Variants in LZTFL1 observed in about 807,000 individuals in gnomAD.
The protein encoded by LZTFL1 is leucine zipper transcription factor-like protein 1.
Under a neutral mutation model 45.9 loss-of-function variants are expected in LZTFL1, and 25 were observed. The observed-to-expected ratio is 0.54, with a 90% CI of 0.40 to 0.76. The LOEUF is 0.76. Among genes scored for constraint, LZTFL1 ranks in the 30% least tolerant of loss-of-function variants. The pLI is 0.00. For missense variants in LZTFL1, 277 were observed against 331.1 expected (o/e 0.84, Z 1.27); for synonymous variants, 93 against 117.4 (o/e 0.79, Z 1.35).
At chr3:45,833,760 G>A (rs1025618122) in intron 4 of LZTFL1, among the ~76,000 whole-genome samples, 1 of 152,150 alleles carries the variant, frequency 6.6e-6, no homozygotes, top group Non-Finnish European at 1.5e-5. Context: ...CGGTGTGCCC[G>A]TGAAGTGGAA....
At chr3:45,861,942 C>A (rs188094640) in intron 2 of LZTFL1, among the ~76,000 whole-genome samples, 2 of 152,244 alleles carry the variant, frequency 1.3e-5, no homozygotes, top group Admixed American at 1.3e-4. Context: ...CCTAAGGTAC[C>A]GAGTTTTTGT....
chr3:45,909,965 G>T lies in LZTFL1; in HGVS notation c.-215+3155C>A, dbSNP rs559115774. Among the ~76,000 whole-genome samples the T allele has an allele frequency of 7.9e-5, 12 of 152,352 alleles. No homozygotes were observed. In the South Asian group the frequency reaches 2.3e-3, roughly 29 times the overall value. ...CTGAGACAGGAAAGTGATCAGCAGA[G>T]TTAAGTGGCTAAAAGAAGAGCCATT... On this transcript the variant is annotated intron_variant, in intron 2 of 4. Coordinates refer to the LZTFL1 transcript ENST00000472635.
intron 2 of LZTFL1, among the ~76,000 whole-genome samples, chr3:45,887,600 C>G (rs780221962): frequency 6.6e-6 from 1 of 152,208 alleles, no homozygotes; most frequent in Non-Finnish European, 1.5e-5. Flanking sequence ...TGTGCAGCAG[C>G]CAGTCTGTGG....
intron 2 of LZTFL1, among the ~76,000 whole-genome samples, chr3:45,907,024 T>A (rs1047554172): frequency 3.9e-5 from 6 of 152,200 alleles, no homozygotes; most frequent in Admixed American, 2.0e-4. Context: ...GCCCCAGATC[T>A]CCTCTGCAGC....
chr3:45,827,375 G>A lies in LZTFL1; in HGVS notation c.862C>T (p.Leu288=). The change falls in exon 9 of 10, where the codon CTG becomes TTG. Residue 288 remains leucine, a synonymous_variant. Transcript: ENST00000296135. ...LTKKNDQIKD[L]RKRLAQYEPE... ...GCTTACTGTGCCAGTCTTTTCCTCAGATCTTTGATTTGGTCATTCTTCTTG... is the reference window on the plus strand; with the variant it reads ...GCTTACTGTGCCAGTCTTTTCCTCAAATCTTTGATTTGGTCATTCTTCTTG... 1 of 1,612,774 alleles carries A rather than the reference G, an allele frequency of 6.2e-7. No homozygotes were observed. Among genetic ancestry groups the A allele is most frequent in the Non-Finnish European group, 8.5e-7 (1 of 1,178,854 alleles).
intron 2 of LZTFL1, among the ~76,000 whole-genome samples, chr3:45,908,817 A>C (rs1234424583): frequency 6.6e-6 from 1 of 152,114 alleles, no homozygotes; most frequent in African/African-American, 2.4e-5. Flanking sequence ...AAGCAGAGGG[A>C]ATAGTATTAA....
chr3:45,913,358 A>T (rs911597854), intron 1 of LZTFL1, among the ~76,000 whole-genome samples: 2 of 151,860 alleles, frequency 1.3e-5, no homozygotes, highest in Admixed American at 6.6e-5. Flanking sequence ...CAAAGCCTAT[A>T]GCCCCTTTCT....
intron 2 of LZTFL1, among the ~76,000 whole-genome samples, chr3:45,866,110 G>A (rs1410653274): frequency 1.3e-5 from 2 of 152,126 alleles, no homozygotes; most frequent in Admixed American, 1.3e-4. Context: ...AAAGCAGATC[G>A]GTGGTTGAAT....
Position 45,901,792 on chromosome 3 carries a change from T to C in LZTFL1, c.-215+11328A>G. ...GATCTCGTGAAAACCCTGAAGAACTTGGGTTGCATCAGCCAGGCCCAGTGG... is the reference window on the plus strand; with the variant it reads ...GATCTCGTGAAAACCCTGAAGAACTCGGGTTGCATCAGCCAGGCCCAGTGG... On this transcript the variant is annotated intron_variant, in intron 2 of 4. Transcript: ENST00000472635. This position sits in a 1 kb window ranked among gnomAD's most constrained non-coding sequence, Gnocchi z 4.3. 2 of 1,614,076 alleles carry C rather than the reference T, an allele frequency of 1.2e-6. No homozygotes were observed. The highest frequency in any genetic ancestry group is 1.7e-6 in the Non-Finnish European group (2 of 1,179,998).
chr3:45,892,704 C>T (rs1278411591), intron 2 of LZTFL1, among the ~76,000 whole-genome samples: 2 of 152,048 alleles, frequency 1.3e-5, no homozygotes, highest in Admixed American at 6.6e-5. Context: ...CACATATACC[C>T]CTGAAGCTAA....
intron 2 of LZTFL1, among the ~76,000 whole-genome samples, chr3:45,860,207 G>A (rs1489128277): frequency 6.6e-6 from 1 of 152,090 alleles, no homozygotes; most frequent in Non-Finnish European, 1.5e-5. Context: ...GCCAGACACT[G>A]TCTCAAATAA....
chr3:45,868,740 C>G (rs1303906250), intron 2 of LZTFL1, among the ~76,000 whole-genome samples: 1 of 152,102 alleles, frequency 6.6e-6, no homozygotes, highest in Non-Finnish European at 1.5e-5. Flanking sequence ...CCGATATTTT[C>G]CCAACATATT....
At chr3:45,852,548 G>A (rs1701325049) in intron 4 of LZTFL1, among the ~76,000 whole-genome samples, 1 of 151,960 alleles carries the variant, frequency 6.6e-6, no homozygotes, top group African/African-American at 2.4e-5. Context: ...AGTATATAGT[G>A]AAAAGAAAAA....
At chr3:45,895,715 A>T (rs1467071832) in intron 2 of LZTFL1, among the ~76,000 whole-genome samples, 1 of 137,424 alleles carries the variant, frequency 7.3e-6, no homozygotes, top group African/African-American at 2.6e-5. Context: ...CTCTGTCTTA[A>T]AAAAAAAAAA....
upstream of LZTFL1, among the ~76,000 whole-genome samples, chr3:45,845,364 G>A (rs1204392031): frequency 6.6e-6 from 1 of 152,190 alleles, no homozygotes; most frequent in Non-Finnish European, 1.5e-5. Flanking sequence ...CAGAGAGGGT[G>A]CGAGATAGTT....
chr3:45,888,008 A>G (rs545956245), intron 2 of LZTFL1, among the ~76,000 whole-genome samples: 15 of 152,268 alleles, frequency 9.9e-5, no homozygotes, highest in Non-Finnish European at 1.9e-4. Flanking sequence ...ATCAGAGGCT[A>G]TAAGTGTGGG....
upstream of LZTFL1, among the ~76,000 whole-genome samples, chr3:45,844,664 A>T (rs1359827166): frequency 1.3e-5 from 2 of 152,186 alleles, no homozygotes; most frequent in Admixed American, 1.3e-4. Context: ...ATCTTGCCCC[A>T]CCTTGGCTGC....
At chr3:45,832,977 C>T in intron 5 of LZTFL1, 73 bp downstream of exon 5, 1 of 1,146,166 alleles carries the variant, frequency 8.7e-7, no homozygotes, top group Non-Finnish European at 1.3e-6. Context: ...AAACCTTCCA[C>T]TTCTGTTTCT....
chr3:45,902,037 A>G, intron 2 of LZTFL1: 1 of 761,518 alleles, frequency 1.3e-6, no homozygotes, highest in Non-Finnish European at 2.1e-6. Context: ...GATTACTTGT[A>G]GTCAGAATTT....
Sources: gnomAD v4.1 joint callset for allele counts (sites outside exome capture counted in the v4.1 genomes callset) on GRCh38, gnomAD v4.1.1 for gene constraint, Gnocchi (gnomAD v3.1) non-coding constraint, MANE v1.5 for transcripts, NCBI Gene and HGNC (gene_info 2026-07-23, HGNC 2026-07-21) for gene names.